AKR1C2: variants seen among roughly 807,000 people sequenced by gnomAD.
AKR1C2 encodes the protein aldo-keto reductase family 1 member C2.
AKR1C2 carries 27 observed loss-of-function variants against 39.8 expected under a neutral mutation model. The ratio of observed to expected loss-of-function variants is 0.68; its 90% CI spans 0.50 to 0.93. The LOEUF is 0.93. Among genes scored for constraint, AKR1C2 ranks in the 40% least tolerant of loss-of-function variants. The probability of loss-of-function intolerance (pLI) is 0.00; values close to 1 mark genes in which losing one functional copy is unlikely to be tolerated. For synonymous variants in AKR1C2, 114 were observed against 137.9 expected (o/e 0.83, Z 1.22); for missense variants, 263 against 365.1 (o/e 0.72, Z 2.28).
chr10:5,015,769 G>C (rs1275259587), intron 1 of AKR1C2: 3 of 152,234 alleles, frequency 2.0e-5, no homozygotes, highest in African/African-American at 4.8e-5. Context: ...TTCTCACACT[G>C]CTATAAAGAA....
Position 4,989,823 on chromosome 10 carries a change from C to T in AKR1C2, c.*173G>A, listed in dbSNP as rs113349934. ...CATTTAATTTTTTCAAAATGAAAAA[C>T]AAAATTATTGTCTTTCTTTTCCGGC... On this transcript the variant is annotated 3_prime_UTR_variant, in exon 9 of 9. Coordinates refer to ENST00000380753, the MANE Select transcript of AKR1C2 (RefSeq NM_001393392.1). 37,405 of 1,013,264 alleles carry T rather than the reference C, an allele frequency of 0.037. 1,182 individuals carry two copies. The highest frequency in any genetic ancestry group is 0.15 in the African/African-American group (8,945 of 59,064). The allele number at this position is 1,013,264 out of a possible 1,614,324, so 62.8% of individuals were successfully genotyped here.
intron 1 of AKR1C2, among the ~76,000 whole-genome samples, chr10:5,003,514 G>A (rs574163462): frequency 6.6e-5 from 10 of 151,280 alleles, no homozygotes; most frequent in East Asian, 4.0e-4. Context: ...GGCAAGCCGT[G>A]TTCTTTCTGC....
intron 1 of AKR1C2, among the ~76,000 whole-genome samples, chr10:5,016,319 G>A (rs1187665010): frequency 6.6e-6 from 1 of 152,188 alleles, no homozygotes; most frequent in Non-Finnish European, 1.5e-5. Flanking sequence ...TCAAAAATAG[G>A]TTAGTTACTT....
chr10:4,990,345 T>G (rs1836792451), intron 8 of AKR1C2, among the ~76,000 whole-genome samples: 1 of 152,242 alleles, frequency 6.6e-6, no homozygotes, highest in African/African-American at 2.4e-5. Flanking sequence ...CAAAGAGATA[T>G]TCTGACCTTT....
At chr10:5,011,183 C>A (rs1837515669) in intron 1 of AKR1C2, among the ~76,000 whole-genome samples, 1 of 152,130 alleles carries the variant, frequency 6.6e-6, no homozygotes, top group African/African-American at 2.4e-5. Flanking sequence ...ACCCAAATAA[C>A]CTCTTTAAAA....
chr10:4,999,510 G>C (rs567971497), intron 3 of AKR1C2: 3 of 788,432 alleles, frequency 3.8e-6, no homozygotes, highest in Non-Finnish European at 5.7e-6. Context: ...CATCTTTCTG[G>C]TTCCTAATGG....
chr10:4,990,420 G>T (rs562164124), intron 8 of AKR1C2, among the ~76,000 whole-genome samples: 36 of 152,284 alleles, frequency 2.4e-4, no homozygotes, highest in Admixed American at 2.0e-3. Context: ...GAATAAGGAA[G>T]ATATATGCTC....
intron 7 of AKR1C2, among the ~76,000 whole-genome samples, chr10:4,993,739 C>A (rs4492708): frequency 0.98 from 149,160 of 151,810 alleles, 73,315 homozygotes; most frequent in East Asian, 1. Context: ...CTAAAGAATT[C>A]ATATCCAGAA....
At chr10:5,015,405 A>T (rs1443121424) in intron 1 of AKR1C2, among the ~76,000 whole-genome samples, 25 of 152,214 alleles carry the variant, frequency 1.6e-4, no homozygotes, top group African/African-American at 6.0e-4. Context: ...AAATTAGGTA[A>T]AAGAAGACTG....
chr10:4,990,292 A>T (rs539356688), intron 8 of AKR1C2, among the ~76,000 whole-genome samples: 1 of 152,348 alleles, frequency 6.6e-6, no homozygotes, highest in African/African-American at 2.4e-5. Context: ...ATGTTCAAAC[A>T]TGTTTCTCTA....
At chr10:4,996,558 A>C (rs1215586052) in intron 5 of AKR1C2, among the ~76,000 whole-genome samples, 4 of 147,248 alleles carry the variant, frequency 2.7e-5, no homozygotes, top group African/African-American at 9.9e-5. Context: ...ATATATATAT[A>C]TATGCTGAGT....
intron 5 of AKR1C2, among the ~76,000 whole-genome samples, chr10:4,998,229 C>T (rs1588302674): frequency 6.6e-6 from 1 of 150,718 alleles, no homozygotes; most frequent in South Asian, 2.2e-4. Flanking sequence ...CTCTCACTCT[C>T]TCCTTATGTA....
chr10:5,012,709 A>G (rs1241015643), intron 1 of AKR1C2, among the ~76,000 whole-genome samples: 1 of 152,182 alleles, frequency 6.6e-6, no homozygotes, highest in Non-Finnish European at 1.5e-5. Flanking sequence ...ACTGTGAGAA[A>G]ATTAATTATG....
At position 4,989,938 on chromosome 10, in the gene AKR1C2, T is replaced by G; in HGVS notation, c.*58A>C. 1.4e-6 allele frequency: 2 copies of G among 1,475,698 alleles called. No homozygotes were observed. The allele number at this position is 1,475,698 out of a possible 1,614,324, so 91.4% of individuals were successfully genotyped here. ...TCCAGTCACCAGCATAGAGCCATCC[T>G]CTGTGTCACCATCCACACGCAGGGC... On this transcript the variant is annotated 3_prime_UTR_variant, in exon 9 of 9. Transcript: ENST00000380753.
At chr10:5,009,017 A>G (rs1554774666) in intron 1 of AKR1C2, among the ~76,000 whole-genome samples, 1 of 152,098 alleles carries the variant, frequency 6.6e-6, no homozygotes, top group African/African-American at 2.4e-5. Context: ...GTTAGCCTGC[A>G]TTGCTGTGGA....
chr10:5,009,795 C>T (rs1312078601), intron 1 of AKR1C2, among the ~76,000 whole-genome samples: 5 of 151,758 alleles, frequency 3.3e-5, no homozygotes, highest in Admixed American at 6.6e-5. Flanking sequence ...ACCAGATGGA[C>T]GGCAGAACAA....
chr10:4,990,747 G>A (rs1266560856), intron 8 of AKR1C2, among the ~76,000 whole-genome samples: 2 of 151,728 alleles, frequency 1.3e-5, no homozygotes, highest in Admixed American at 6.6e-5. Flanking sequence ...AAGCTCGCAA[G>A]TGGTTTACTC....
chr10:5,013,878 T>C (rs1554775135), intron 1 of AKR1C2, among the ~76,000 whole-genome samples: 2 of 152,178 alleles, frequency 1.3e-5, no homozygotes, highest in African/African-American at 4.8e-5. Flanking sequence ...CTTTATTTCA[T>C]CCTCTGGCAA....
upstream of AKR1C2, among the ~76,000 whole-genome samples, chr10:5,008,829 T>G (rs1352679304): frequency 6.6e-6 from 1 of 152,252 alleles, no homozygotes; most frequent in African/African-American, 2.4e-5. Flanking sequence ...CAAATACATA[T>G]TGATATGATA....
Sources: gnomAD v4.1 joint callset for allele counts (sites outside exome capture counted in the v4.1 genomes callset) on GRCh38, gnomAD v4.1.1 for gene constraint, MANE v1.5 for transcripts, NCBI Gene and HGNC (gene_info 2026-07-23, HGNC 2026-07-21) for gene names.